Variants in COL21A1 observed in about 807,000 individuals in gnomAD.
The protein encoded by COL21A1 is collagen alpha-1(XXI) chain.
COL21A1 carries 149 observed loss-of-function variants against 137.9 expected under a neutral mutation model. The ratio of observed to expected loss-of-function variants is 1.08; its 90% CI spans 0.95 to 1.24. COL21A1 has a LOEUF of 1.24. COL21A1 is among the 50% of genes most tolerant of loss of function. The probability of loss-of-function intolerance (pLI) is 0.00; values close to 1 mark genes in which losing one functional copy is unlikely to be tolerated. For synonymous variants in COL21A1, 456 were observed against 391.5 expected, an observed-to-expected ratio of 1.16 and a Z score of -1.95; for missense variants, 1,167 against 1,158.4, an observed-to-expected ratio of 1.01 and a Z score of -0.11.
chr6:56,117,853 TAAG>T (rs1342746950), intron 16 of COL21A1, among the ~76,000 whole-genome samples: 1 of 151,868 alleles, frequency 6.6e-6, no homozygotes, highest in Admixed American at 6.6e-5. Flanking sequence ...ATGAAGAAAT[TAAG>T]AAGAAAATTG....
chr6:56,156,240 A>C (rs1336231755), intron 10 of COL21A1, among the ~76,000 whole-genome samples: 1 of 152,210 alleles, frequency 6.6e-6, no homozygotes, highest in Non-Finnish European at 1.5e-5. Flanking sequence ...ATTTTGAAGT[A>C]AGATAACTAA....
intron 1 of COL21A1, among the ~76,000 whole-genome samples, chr6:56,347,684 C>A (rs910570167): frequency 7.9e-5 from 12 of 152,256 alleles, no homozygotes; most frequent in African/African-American, 2.6e-4. Context: ...TGCAATTAAA[C>A]TCTGATTTGA....
intron 1 of COL21A1, among the ~76,000 whole-genome samples, chr6:56,253,838 T>A (rs1023463895): frequency 3.9e-5 from 6 of 152,228 alleles, no homozygotes; most frequent in Admixed American, 3.3e-4. Flanking sequence ...ACTATTTTAA[T>A]AAGTTCTCTT....
intron 1 of COL21A1, among the ~76,000 whole-genome samples, chr6:56,281,970 C>T (rs1763796076): frequency 1.3e-5 from 2 of 151,956 alleles, no homozygotes; most frequent in South Asian, 4.2e-4. Flanking sequence ...TTTGTCAATA[C>T]CAAATAAACT....
chr6:56,140,755 A>G (rs1774346278), intron 12 of COL21A1, among the ~76,000 whole-genome samples: 2 of 152,188 alleles, frequency 1.3e-5, no homozygotes, highest in South Asian at 4.1e-4. Flanking sequence ...TAGACCCACA[A>G]TGACTAGGTC....
At chr6:56,090,318 G>A (rs1457375671) in intron 17 of COL21A1, among the ~76,000 whole-genome samples, 1 of 152,138 alleles carries the variant, frequency 6.6e-6, no homozygotes, top group Non-Finnish European at 1.5e-5. Context: ...AATCAACAAT[G>A]TTACTTTATG....
chr6:56,333,085 G>A (rs1021581945), intron 1 of COL21A1, among the ~76,000 whole-genome samples: 1 of 151,994 alleles, frequency 6.6e-6, no homozygotes, highest in Non-Finnish European at 1.5e-5. Flanking sequence ...ATTAGAAAGT[G>A]CCATATTTTC....
chr6:56,132,409 T>C (rs1442048038), intron 12 of COL21A1, among the ~76,000 whole-genome samples: 1 of 152,136 alleles, frequency 6.6e-6, no homozygotes, highest in Middle Eastern at 3.2e-3. Context: ...CAGGAAATTT[T>C]GATTATAAAG....
intron 1 of COL21A1, among the ~76,000 whole-genome samples, chr6:56,360,868 GGTGGGCAGATCACCTGAA>G (rs1327462739): frequency 6.6e-6 from 1 of 152,174 alleles, no homozygotes; most frequent in East Asian, 1.9e-4. Context: ...GGGAGGCCAA[GGTGGGCAGATCACCTGAA>G]GTCAGGAGTT....
At chr6:56,068,431 C>A (rs1766448208) in intron 22 of COL21A1, among the ~76,000 whole-genome samples, 1 of 151,522 alleles carries the variant, frequency 6.6e-6, no homozygotes, top group African/African-American at 2.4e-5. Context: ...CAAATAAAAG[C>A]ATATATTATT....
At chr6:56,349,540 T>C (rs1207004322) in intron 1 of COL21A1, among the ~76,000 whole-genome samples, 1 of 152,224 alleles carries the variant, frequency 6.6e-6, no homozygotes, top group African/African-American at 2.4e-5. Context: ...TATCTCTACA[T>C]GTTTAAATTC....
intron 10 of COL21A1, among the ~76,000 whole-genome samples, chr6:56,154,854 C>T (rs575999812): frequency 6.6e-6 from 1 of 152,168 alleles, no homozygotes; most frequent in South Asian, 2.1e-4. Flanking sequence ...AGGTGGCTAC[C>T]ACTTTTGTTT....
At chr6:56,367,001 T>C (rs1323167714) in intron 1 of COL21A1, among the ~76,000 whole-genome samples, 1 of 152,232 alleles carries the variant, frequency 6.6e-6, no homozygotes, top group South Asian at 2.1e-4. Context: ...TTTTCAGAGT[T>C]AGACCTTTAC....
intron 10 of COL21A1, among the ~76,000 whole-genome samples, chr6:56,150,198 T>A (rs1186403673): frequency 2.0e-5 from 3 of 152,140 alleles, no homozygotes; most frequent in Admixed American, 6.6e-5. Context: ...TGTCTGCACC[T>A]CTAGTTCACT....
At chr6:56,363,995 G>A (rs1766039363) in intron 1 of COL21A1, among the ~76,000 whole-genome samples, 1 of 152,176 alleles carries the variant, frequency 6.6e-6, no homozygotes, top group Non-Finnish European at 1.5e-5. Flanking sequence ...AAATTTGATG[G>A]CTGACATAAT....
chr6:56,369,337 G>C (rs1216739370), intron 1 of COL21A1, among the ~76,000 whole-genome samples: 1 of 151,494 alleles, frequency 6.6e-6, no homozygotes, highest in African/African-American at 2.4e-5. Context: ...ATGAATACTA[G>C]ATAAACGCAG....
At chr6:56,314,564 C>A (rs80071841) in intron 1 of COL21A1, among the ~76,000 whole-genome samples, 1 of 152,054 alleles carries the variant, frequency 6.6e-6, no homozygotes. Context: ...AATCTTGGAG[C>A]TTTTTTCCTC....
At chr6:56,332,394 T>A (rs1765247020) in intron 1 of COL21A1, among the ~76,000 whole-genome samples, 1 of 151,964 alleles carries the variant, frequency 6.6e-6, no homozygotes, top group African/African-American at 2.4e-5. Flanking sequence ...ATCACTAATG[T>A]GATATAGCCA....
At chr6:56,253,147 T>G (rs1002216566) in intron 1 of COL21A1, among the ~76,000 whole-genome samples, 2 of 152,236 alleles carry the variant, frequency 1.3e-5, no homozygotes, top group Non-Finnish European at 2.9e-5. Context: ...GGTCATGAAT[T>G]CATAGCCCTA....
Sources: allele counts gnomAD v4.1 joint callset (sites outside exome capture counted in the v4.1 genomes callset), GRCh38; gene constraint gnomAD v4.1.1; transcripts MANE v1.5; gene names NCBI Gene and HGNC (gene_info 2026-07-23, HGNC 2026-07-21).